The following ANKRD28 variants were observed in gnomAD, a reference collection of about 807,000 sequenced individuals.
ANKRD28 encodes serine/threonine-protein phosphatase 6 regulatory ankyrin repeat subunit A.
In ANKRD28, 44 loss-of-function variants were observed where a neutral mutation model predicts 126.5. The ratio of observed to expected loss-of-function variants is 0.35; its 90% CI spans 0.27 to 0.45. The LOEUF is 0.45. Ranked by LOEUF, ANKRD28 falls within the 20% of genes least tolerant of loss-of-function variation. The pLI is 1.00. For synonymous variants in ANKRD28, 442 were observed against 468.5 expected, an observed-to-expected ratio of 0.94 and a Z score of 0.73; for missense variants, 1,110 against 1,316.6, an observed-to-expected ratio of 0.84 and a Z score of 2.43.
intron 1 of ANKRD28, chr3:15,859,295 TC>T: frequency 6.7e-7 from 1 of 1,496,750 alleles, no homozygotes; most frequent in Admixed American, 2.1e-5. Context: ...CGAGCGGGCG[TC>T]CCAGCGGCCC....
At chr3:15,767,727 A>C (rs983335426) in intron 2 of ANKRD28, among the ~76,000 whole-genome samples, 2 of 84,822 alleles carry the variant, frequency 2.4e-5, no homozygotes, top group East Asian at 9.1e-4. Flanking sequence ...AAAAAAAAAA[A>C]AAAAAAAAAA....
chr3:15,715,408 C>T (rs1402736495), intron 8 of ANKRD28, among the ~76,000 whole-genome samples: 1 of 152,174 alleles, frequency 6.6e-6, no homozygotes, highest in East Asian at 1.9e-4. Flanking sequence ...TAACACTGTA[C>T]AACGCAGATA....
intron 27 of ANKRD28, among the ~76,000 whole-genome samples, chr3:15,674,604 A>G (rs1224525676): frequency 6.6e-6 from 1 of 152,190 alleles, no homozygotes; most frequent in Non-Finnish European, 1.5e-5. Context: ...TAAATCTGGG[A>G]ATCCTCAGCA....
chr3:15,712,158 T>C lies in ANKRD28; in HGVS notation c.1255A>G (p.Arg419Gly). The C allele has an allele frequency of 6.3e-7, 1 of 1,579,870 alleles. No homozygotes were observed. The highest frequency in any genetic ancestry group is 8.6e-7 in the Non-Finnish European group (1 of 1,162,270). The change falls in exon 11 of 28, where the codon AGA becomes GGA. Residue 419 changes from arginine (R) to glycine (G), a missense_variant. Transcript: ENST00000683139. ...AALSGFSDCC[R>G]KLLSSGFDID... The stretch of plus-strand genomic sequence containing the variant: ...CACTTACCTGAAGAAAGAAGTTTTC[T>C]GCAGCAATCTGAAAAGCCGCTTAAG...
At chr3:15,737,352 C>A (rs2075087470) in intron 4 of ANKRD28, 119 bp from the exon 5 acceptor site, 2 of 871,688 alleles carry the variant, frequency 2.3e-6, no homozygotes, top group Non-Finnish European at 3.4e-6. Context: ...AATAAAAAAG[C>A]TCTCATAGAA....
At chr3:15,811,797 G>T (rs1456951775) in intron 1 of ANKRD28, among the ~76,000 whole-genome samples, 1 of 151,702 alleles carries the variant, frequency 6.6e-6, no homozygotes, top group Non-Finnish European at 1.5e-5. Flanking sequence ...TATAAATTAA[G>T]AAATTGTGGT....
intron 14 of ANKRD28, among the ~76,000 whole-genome samples, chr3:15,702,995 G>T (rs1234923400): frequency 6.6e-6 from 1 of 152,086 alleles, no homozygotes; most frequent in Non-Finnish European, 1.5e-5. Flanking sequence ...GATTAAATAG[G>T]CACAGAGAGG....
chr3:15,736,058 G>C (rs932063533), intron 5 of ANKRD28, among the ~76,000 whole-genome samples: 1 of 152,130 alleles, frequency 6.6e-6, no homozygotes, highest in East Asian at 1.9e-4. Context: ...TAGAGGCAAG[G>C]ATTCTTTACA....
In ANKRD28 at chr3:15,845,893, T is replaced by A. The variant is rs2125983004; in HGVS notation, c.27+13484A>T. On this transcript the variant is annotated intron_variant, in intron 1 of 27. Transcript: ENST00000399451. The surrounding 1 kb of genome is among the most constrained non-coding windows in gnomAD (Gnocchi z 4.9). ...TTGCATCTCGTGAAAACTCGCTCACTATCAAGAGAACAGCAAGGGGGAAAT... is the reference window on the plus strand; with the variant it reads ...TTGCATCTCGTGAAAACTCGCTCACAATCAAGAGAACAGCAAGGGGGAAAT... Among the ~76,000 whole-genome samples, 1 of 152,246 alleles carries A rather than the reference T, an allele frequency of 6.6e-6. No homozygotes were observed. The highest frequency in any genetic ancestry group is 6.5e-5 in the Admixed American group (1 of 15,284).
chr3:15,669,865 T>C lies in ANKRD28; in HGVS notation c.*405A>G, dbSNP rs1189445720. On this transcript the variant is annotated 3_prime_UTR_variant, in exon 28 of 28. Coordinates refer to ENST00000683139, the MANE Select transcript of ANKRD28 (RefSeq NM_001349278.2). Reference sequence around the variant, plus strand: ...AATTTGCTGTGCACATAATGCCTACTGTACCAAACTTTTATTGCCTTTAAA... The same window carrying C: ...AATTTGCTGTGCACATAATGCCTACCGTACCAAACTTTTATTGCCTTTAAA... The C allele has an allele frequency of 3.1e-5, 5 of 161,518 alleles. No individual in the cohort carries two copies. The highest frequency in any genetic ancestry group is 3.0e-4 in the Admixed American group (5 of 16,740). 10.0% of individuals were successfully genotyped at this position (161,518 alleles called of 1,614,324 possible).
rs1327212889 is a variant in ANKRD28 at position 15,735,432 on chromosome 3, A to G, written c.618T>C (p.Ala206=). 2.6e-6 allele frequency: 4 copies of G among 1,559,276 alleles called. No homozygotes were observed. Among genetic ancestry groups the G allele is most frequent in the Non-Finnish European group, 2.6e-6 (3 of 1,150,520 alleles). ...INAFDKKDRR[A]IHWAAYMGHI... The stretch of plus-strand genomic sequence containing the variant: ...TACCCATATATGCTGCCCAATGGAT[A>G]GCACGCCTATCTTTCTTGTCAAAAG... Residue 206 remains alanine (A), a synonymous_variant, in exon 6 of 28, where the codon GCT becomes GCC. Coordinates refer to ENST00000683139, the MANE Select transcript of ANKRD28 (RefSeq NM_001349278.2).
In ANKRD28 at chr3:15,699,789, A is replaced by C. The variant is rs191486195; in HGVS notation, c.1548-3544T>G. Among the ~76,000 whole-genome samples the C allele has an allele frequency of 1.9e-3, 294 of 152,344 alleles. 1 individual carries two copies. The highest frequency in any genetic ancestry group is 6.9e-3 in the African/African-American group (287 of 41,586). ...GGCATGCTTTTACACTGTCAGTGGGAGTGTAAATTAGTTCAACCATTGTGG... is the reference window on the plus strand; with the variant it reads ...GGCATGCTTTTACACTGTCAGTGGGCGTGTAAATTAGTTCAACCATTGTGG... On this transcript the variant is annotated intron_variant, in intron 14 of 27. Coordinates refer to ENST00000683139, the MANE Select transcript of ANKRD28 (RefSeq NM_001349278.2).
chr3:15,826,845 G>C (rs2061078044), intron 1 of ANKRD28, among the ~76,000 whole-genome samples: 1 of 152,178 alleles, frequency 6.6e-6, no homozygotes, highest in Non-Finnish European at 1.5e-5. Flanking sequence ...CTAAAGCCAT[G>C]AAAGTGCAAG....
At chr3:15,703,259 T>C (rs2070877296) in intron 14 of ANKRD28, among the ~76,000 whole-genome samples, 1 of 152,244 alleles carries the variant, frequency 6.6e-6, no homozygotes. Context: ...CCCATTTTTA[T>C]GAAGTTTGAA....
chr3:15,699,595 A>C (rs988452358), intron 14 of ANKRD28, among the ~76,000 whole-genome samples: 1 of 152,276 alleles, frequency 6.6e-6, no homozygotes. Context: ...GACACTTCTC[A>C]AAAGATGACA....
intron 1 of ANKRD28, among the ~76,000 whole-genome samples, chr3:15,849,005 G>C (rs1171125143): frequency 6.6e-6 from 1 of 152,016 alleles, no homozygotes; most frequent in Non-Finnish European, 1.5e-5. Flanking sequence ...GGATTCAAAA[G>C]CAATATATAA....
chr3:15,823,059 A>G (rs1448741503), intron 1 of ANKRD28, among the ~76,000 whole-genome samples: 1 of 152,238 alleles, frequency 6.6e-6, no homozygotes. Flanking sequence ...GAACAGTCCT[A>G]TAACACAGTG....
At chr3:15,676,864 C>T in intron 26 of ANKRD28, 110 bp downstream of exon 26, 1 of 775,806 alleles carries the variant, frequency 1.3e-6, no homozygotes. Context: ...ATTAAAATTG[C>T]TTCTATGACT....
chr3:15,677,538 G>A lies in ANKRD28; in HGVS notation c.2732C>T (p.Ala911Val), dbSNP rs1251548027. The change falls in exon 25 of 28, where the codon GCA (alanine) becomes GTA (valine). Residue 911 changes from alanine (A) to valine (V), a missense_variant. Ala to Val is a moderately conservative substitution (Grantham distance 64, BLOSUM62 0). Transcript: ENST00000683139. ...TVEMLVSSASAELTLQDNSKN... is the reference protein window; with the variant it reads ...TVEMLVSSASVELTLQDNSKN... ...ACTGTTATCTTGTAAAGTCAGTTCT[G>A]CACTAGCACTGCTAACCAGCATCTC... 6.2e-7 allele frequency: 1 copy of A among 1,612,614 alleles called. No individual in the cohort carries two copies. The highest frequency in any genetic ancestry group is 8.5e-7 in the Non-Finnish European group (1 of 1,179,028).
Sources: gnomAD v4.1 joint callset for allele counts (sites outside exome capture counted in the v4.1 genomes callset) on GRCh38, gnomAD v4.1.1 for gene constraint, Gnocchi (gnomAD v3.1) non-coding constraint, MANE v1.5 for transcripts, NCBI Gene and HGNC (gene_info 2026-07-23, HGNC 2026-07-21) for gene names.